MAP4K3: variants seen among roughly 807,000 people sequenced by gnomAD.
MAP4K3 encodes the protein mitogen-activated protein kinase kinase kinase kinase 3.
In MAP4K3, 94 loss-of-function variants were observed where a neutral mutation model predicts 143.5. The observed-to-expected ratio is 0.65, with a 90% confidence interval of 0.55 to 0.78. The LOEUF (loss-of-function observed/expected upper bound fraction) is 0.78, where lower values mean the gene tolerates loss of function less well. MAP4K3 is among the 30% of genes least tolerant of loss of function. The pLI, the probability that MAP4K3 is intolerant of heterozygous loss-of-function variation, is 0.00. For missense variants in MAP4K3, 1,077 were observed against 1,068.1 expected (o/e 1.01, Z -0.12); for synonymous variants, 416 against 347.2 (o/e 1.20, Z -2.20).
chr2:39,292,792 C>T lies in MAP4K3; in HGVS notation c.1252G>A (p.Asp418Asn), dbSNP rs1337042984. ...ACTTACTGTTTAGATTCATCATCAT[C>T]TCCTTCATCATCTTCTAAATGTGCG... ...HVAHLEDDEG[D>N]DDESKHSTLK... is the part of the protein sequence containing the mutation. Residue 418 changes from aspartate to asparagine, a missense_variant, in exon 18 of 34, where the codon GAT becomes AAT. Physicochemically the swap from Asp to Asn is conservative, Grantham distance 23. Around this residue, in one of 2 missense-constraint regions of MAP4K3, gnomAD observed 864 missense variants for 801.2 expected, o/e 1.08. Transcript: ENST00000263881. 6.2e-7 allele frequency: 1 copy of T among 1,613,288 alleles called. No homozygotes were observed. Among genetic ancestry groups the T allele is most frequent in the East Asian group, 2.2e-5 (1 of 44,840 alleles).
rs59817344 is a variant in MAP4K3 at position 39,327,430 on chromosome 2, T to C, written c.531-1153A>G. Reference sequence around the variant, plus strand: ...TGCTACAGTCTTATTCTAATTATACTTCCATAAATTTGAATTTGACTGATT... The same window carrying C: ...TGCTACAGTCTTATTCTAATTATACCTCCATAAATTTGAATTTGACTGATT... On this transcript the variant is annotated intron_variant, in intron 8 of 33. Transcript: ENST00000263881. Among the ~76,000 whole-genome samples the C allele has an allele frequency of 3.1e-3, 468 of 152,298 alleles. 3 individuals are homozygous for C. Among genetic ancestry groups the C allele is most frequent in the African/African-American group, 0.011 (449 of 41,574 alleles).
intron 1 of MAP4K3, among the ~76,000 whole-genome samples, chr2:39,426,784 A>G (rs1665101757): frequency 1.3e-5 from 2 of 152,112 alleles, no homozygotes; most frequent in African/African-American, 4.8e-5. Context: ...TAAAGATAAT[A>G]AAGATAAGAA....
At chr2:39,361,434 T>A (rs1665767815) in intron 2 of MAP4K3, among the ~76,000 whole-genome samples, 1 of 150,822 alleles carries the variant, frequency 6.6e-6, no homozygotes, top group Non-Finnish European at 1.5e-5. Context: ...AATAACCAAT[T>A]GAAACCCAAA....
intron 18 of MAP4K3, among the ~76,000 whole-genome samples, chr2:39,292,123 G>A (rs1226830112): frequency 6.6e-6 from 1 of 151,376 alleles, no homozygotes; most frequent in African/African-American, 2.4e-5. Context: ...CAAAGTATTT[G>A]TTCACTTGAA....
chr2:39,355,359 C>CAA (rs34355105), intron 3 of MAP4K3, among the ~76,000 whole-genome samples: 1,829 of 33,802 alleles, frequency 0.054, 120 homozygotes, highest in African/African-American at 0.16. Flanking sequence ...GACTCCACCT[C>CAA]AAAAAAAAAA....
At chr2:39,303,601 C>T (rs571446079) in intron 15 of MAP4K3, among the ~76,000 whole-genome samples, 8 of 152,288 alleles carry the variant, frequency 5.3e-5, no homozygotes, top group Admixed American at 2.6e-4. Context: ...TGCAGTGGCA[C>T]GATCTCGGCT....
At position 39,264,027 on chromosome 2, in the gene MAP4K3, A is replaced by C. The variant is rs115710349; in HGVS notation, c.2136+1176T>G. 2.2e-3 allele frequency among the ~76,000 whole-genome samples: 341 copies of C among 152,356 alleles called. 2 individuals carry two copies. The highest frequency in any genetic ancestry group is 7.5e-3 in the African/African-American group (310 of 41,600). ...ATAACTGATATGATGAAACATTTTC[A>C]TTTTGATAGAGGTTAGGAATGAAAA... On this transcript the variant is annotated intron_variant, in intron 28 of 33. Transcript: ENST00000263881.
intron 1 of MAP4K3, among the ~76,000 whole-genome samples, chr2:39,397,889 TATG>T (rs1240765858): frequency 1.3e-5 from 2 of 152,128 alleles, no homozygotes; most frequent in South Asian, 2.1e-4. Flanking sequence ...CCCTTGAATA[TATG>T]ATAAGCTGAA....
intron 1 of MAP4K3, among the ~76,000 whole-genome samples, chr2:39,420,311 C>A (rs184793763): frequency 6.6e-6 from 1 of 152,218 alleles, no homozygotes; most frequent in Admixed American, 6.5e-5. Flanking sequence ...TCCATATACA[C>A]GTGCACTTAC....
intron 15 of MAP4K3, among the ~76,000 whole-genome samples, chr2:39,307,218 G>A (rs1440398122): frequency 6.6e-6 from 1 of 152,080 alleles, no homozygotes; most frequent in Non-Finnish European, 1.5e-5. Flanking sequence ...GTAACTTGGG[G>A]CTCTCGCCAA....
At chr2:39,422,271 T>C (rs1432188692) in intron 1 of MAP4K3, among the ~76,000 whole-genome samples, 1 of 152,120 alleles carries the variant, frequency 6.6e-6, no homozygotes, top group East Asian at 1.9e-4. Flanking sequence ...CCAACTACTC[T>C]TTCTGAACAG....
chr2:39,348,929 T>C (rs1300966328), intron 3 of MAP4K3, among the ~76,000 whole-genome samples: 6 of 152,150 alleles, frequency 3.9e-5, no homozygotes, highest in African/African-American at 1.4e-4. Flanking sequence ...CTAAGTATAA[T>C]TATTTATATA....
At chr2:39,346,951 T>C (rs751221344) in intron 3 of MAP4K3, among the ~76,000 whole-genome samples, 2 of 152,066 alleles carry the variant, frequency 1.3e-5, no homozygotes, top group South Asian at 2.1e-4. Flanking sequence ...TATAGGTTAG[T>C]TGAATCCTTC....
chr2:39,377,260 T>A (rs1217321356), intron 2 of MAP4K3, among the ~76,000 whole-genome samples: 1 of 149,176 alleles, frequency 6.7e-6, no homozygotes, highest in Admixed American at 6.8e-5. Context: ...CTGAATGGAT[T>A]TCTGTTCATA....
At chr2:39,433,691 C>T (rs201135917) in intron 1 of MAP4K3, among the ~76,000 whole-genome samples, 1 of 152,130 alleles carries the variant, frequency 6.6e-6, no homozygotes, top group East Asian at 1.9e-4. Context: ...CATGGGCCTC[C>T]TGAGGCCCAA....
intron 26 of MAP4K3, among the ~76,000 whole-genome samples, chr2:39,269,381 A>G (rs1328458120): frequency 5.3e-5 from 8 of 151,704 alleles, no homozygotes; most frequent in Non-Finnish European, 1.2e-4. Context: ...ACTATGTGCC[A>G]TGCATTTTAG....
intron 1 of MAP4K3, among the ~76,000 whole-genome samples, chr2:39,434,201 T>TTA (rs1665382130): frequency 6.6e-6 from 1 of 152,198 alleles, no homozygotes; most frequent in South Asian, 2.1e-4. Context: ...AAGGAACAAA[T>TTA]TATATATATT....
intron 21 of MAP4K3, among the ~76,000 whole-genome samples, chr2:39,282,886 T>C (rs983865071): frequency 5.3e-5 from 8 of 152,230 alleles, no homozygotes; most frequent in Admixed American, 5.2e-4. Flanking sequence ...GTTAGGAATT[T>C]AAAACACAAA....
chr2:39,322,619 T>C (rs1683347271), intron 12 of MAP4K3, among the ~76,000 whole-genome samples: 1 of 149,200 alleles, frequency 6.7e-6, no homozygotes, highest in African/African-American at 2.4e-5. Context: ...TGTGTGTGTA[T>C]ATATGTATAT....
Sources: gnomAD v4.1 joint callset for allele counts (sites outside exome capture counted in the v4.1 genomes callset) on GRCh38, gnomAD v4.1.1 for gene constraint, gnomAD v4.1.1 regional missense constraint, MANE v1.5 for transcripts, NCBI Gene and HGNC (gene_info 2026-07-23, HGNC 2026-07-21) for gene names.